The following UGT1A5 variants were observed in gnomAD, a reference collection of about 807,000 sequenced individuals.
The protein encoded by UGT1A5 is UDP glucuronosyltransferase family 1 member A5, also known as UDP-glucuronosyltransferase 1A5.
A neutral mutation model predicts 40.3 loss-of-function variants in UGT1A5; 29 were observed. That is an observed-to-expected ratio of 0.72 (90% CI 0.54 to 0.98). UGT1A5 has a LOEUF of 0.98. Among genes scored for constraint, UGT1A5 ranks in the 50% least tolerant of loss-of-function variants. The pLI, the probability that UGT1A5 is intolerant of heterozygous loss-of-function variation, is 0.00. For synonymous variants in UGT1A5, 257 were observed against 262.5 expected (o/e 0.98, Z 0.20); for missense variants, 678 against 677.9 (o/e 1.00, Z 0.00).
At chr2:233,719,438 A>G in intron 1 of UGT1A5, 1 of 1,613,920 alleles carries the variant, frequency 6.2e-7, no homozygotes, top group Non-Finnish European at 8.5e-7. Context: ...ACCACATGAC[A>G]TTCCTGCAAA....
intron 1 of UGT1A5, chr2:233,721,895 C>A: frequency 2.1e-6 from 1 of 474,970 alleles, no homozygotes; most frequent in Non-Finnish European, 4.2e-6. Context: ...ATTGCAATAT[C>A]GAAATGGTGC....
At chr2:233,718,225 A>G (rs1206675638) in intron 1 of UGT1A5, among the ~76,000 whole-genome samples, 1 of 152,212 alleles carries the variant, frequency 6.6e-6, no homozygotes, top group Admixed American at 6.5e-5. Context: ...GCCACTTCAG[A>G]GAGAGTCCTC....
intron 1 of UGT1A5, among the ~76,000 whole-genome samples, chr2:233,765,312 TTTA>T (rs1273770554): frequency 2.0e-5 from 3 of 152,204 alleles, no homozygotes; most frequent in African/African-American, 7.2e-5. Flanking sequence ...CACATATTTG[TTTA>T]TTGCAGCACT....
Position 233,769,827 on chromosome 2 carries a change from C to A in UGT1A5, c.1307+1388C>A, listed in dbSNP as rs926014830. ...CCGTGATCATGCCACTGCACTCCAGCAACCTGGGCAACAGAGTGAGACCCT... is the reference window on the plus strand; with the variant it reads ...CCGTGATCATGCCACTGCACTCCAGAAACCTGGGCAACAGAGTGAGACCCT... On this transcript the variant is annotated intron_variant, in intron 4 of 4. Transcript: ENST00000373414. This position sits in a 1 kb window ranked among gnomAD's most constrained non-coding sequence, Gnocchi z 4.4. 26 of 649,106 alleles carry A rather than the reference C, an allele frequency of 4.0e-5. No individual in the cohort carries two copies. The highest frequency in any genetic ancestry group is 5.2e-5 in the Non-Finnish European group (23 of 440,480). 40.2% of individuals were successfully genotyped at this position (649,106 alleles called of 1,614,324 possible). A position where few individuals can be genotyped will look rare whatever the true frequency, so the allele number is the denominator to read the frequency against.
chr2:233,754,448 T>G (rs1695488368), intron 1 of UGT1A5: 3 of 350,316 alleles, frequency 8.6e-6, no homozygotes, highest in Non-Finnish European at 1.7e-5. Flanking sequence ...TATAAATTCT[T>G]GGGTACAGCT....
In UGT1A5 at chr2:233,767,087, T is replaced by A; in HGVS notation, c.921T>A (p.Ser307=). 1 of 1,614,180 alleles carries A rather than the reference T, an allele frequency of 6.2e-7. No homozygotes were observed. The highest frequency in any genetic ancestry group is 8.5e-7 in the Non-Finnish European group (1 of 1,180,034). The change falls in exon 2 of 5, where the codon TCT becomes TCA. Residue 307 remains serine, a synonymous_variant. Coordinates refer to ENST00000373414, the MANE Select transcript of UGT1A5 (RefSeq NM_019078.2). ...GAGAACATGGAATTGTGGTTTTCTC[T>A]TTGGGATCAATGGTCTCAGAAATTC... is the stretch of plus-strand genomic sequence containing the variant. The part of the protein sequence containing the change: ...ASGEHGIVVF[S]LGSMVSEIPE...
chr2:233,738,642 C>A (rs182421853), intron 1 of UGT1A5, among the ~76,000 whole-genome samples: 1 of 152,330 alleles, frequency 6.6e-6, no homozygotes, highest in East Asian at 1.9e-4. Context: ...TGCCCTAGAG[C>A]TCTTTGGAAC....
In UGT1A5 at chr2:233,719,646, A is replaced by C. The variant is rs147342917; in HGVS notation, c.867+5788A>C. The stretch of plus-strand genomic sequence containing the variant: ...GCCGATCATGCCCAACATGGTCTTC[A>C]TTGGGGGCATCAACTGTGCCAACGG... On this transcript the variant is annotated intron_variant, in intron 1 of 4. Transcript: ENST00000373414. 2.8e-3 allele frequency: 4,509 copies of C among 1,613,986 alleles called. 13 individuals carry two copies. Among genetic ancestry groups the C allele is most frequent in the Non-Finnish European group, 3.7e-3 (4,328 of 1,179,976 alleles).
rs35350960 is a variant in UGT1A5, at chr2:233,760,973, C to T, written c.868-6061C>T. On this transcript the variant is annotated intron_variant, in intron 1 of 4. Coordinates refer to ENST00000373414, the MANE Select transcript of UGT1A5 (RefSeq NM_019078.2). The stretch of plus-strand genomic sequence containing the variant: ...TTTCTGTGCGACGTGGTTTATTCCC[C>T]GTATGCAACCCTTGCCTCAGAATTC... 4.6e-5 allele frequency: 74 copies of T among 1,614,056 alleles called. No homozygotes were observed. Among genetic ancestry groups the T allele is most frequent in the Non-Finnish European group, 5.4e-5 (64 of 1,180,038 alleles).
chr2:233,735,770 G>A (rs1420645187), intron 1 of UGT1A5, among the ~76,000 whole-genome samples: 1 of 152,120 alleles, frequency 6.6e-6, no homozygotes, highest in Non-Finnish European at 1.5e-5. Flanking sequence ...CACTTATGAA[G>A]CTTACTTTGG....
intron 1 of UGT1A5, chr2:233,729,441 T>C: frequency 3.1e-6 from 5 of 1,613,982 alleles, no homozygotes; most frequent in Non-Finnish European, 4.2e-6. Flanking sequence ...AAACAGAACA[T>C]TTTCTGAAGA....
chr2:233,734,914 A>G (rs7576166), intron 1 of UGT1A5, among the ~76,000 whole-genome samples: 69,332 of 152,022 alleles, frequency 0.46, 17,225 homozygotes, highest in African/African-American at 0.66. Context: ...TACATTTGCT[A>G]AGGAGTGCTT....
intron 1 of UGT1A5, among the ~76,000 whole-genome samples, chr2:233,714,507 T>A (rs1275407158): frequency 6.6e-6 from 1 of 152,186 alleles, no homozygotes; most frequent in African/African-American, 2.4e-5. Flanking sequence ...TTAAAAAAAA[T>A]TCTTACTAGG....
At chr2:233,730,565 C>T (rs28898621) in intron 1 of UGT1A5, among the ~76,000 whole-genome samples, 10,381 of 152,078 alleles carry the variant, frequency 0.068, 502 homozygotes, top group East Asian at 0.2. Context: ...GAATGACACA[C>T]GAAGTTCAGT....
At chr2:233,770,449 T>A (rs1700082466) in intron 4 of UGT1A5, 1 of 151,928 alleles carries the variant, frequency 6.6e-6, no homozygotes, top group Non-Finnish European at 1.5e-5. Flanking sequence ...AGGTTAGGAG[T>A]TCGAAACCAA....
intron 1 of UGT1A5, chr2:233,743,541 A>ACC (rs544018510): frequency 2.2e-6 from 3 of 1,366,832 alleles, no homozygotes; most frequent in South Asian, 1.1e-5. Flanking sequence ...AGTTCCTCTG[A>ACC]CCCCCCCAAA....
intron 1 of UGT1A5, among the ~76,000 whole-genome samples, chr2:233,737,806 C>A (rs575024235): frequency 6.6e-6 from 1 of 152,216 alleles, no homozygotes; most frequent in Non-Finnish European, 1.5e-5. Flanking sequence ...TCACTATCAT[C>A]TCAGTGGAGC....
chr2:233,765,502 A>G (rs1698851224), intron 1 of UGT1A5, among the ~76,000 whole-genome samples: 1 of 152,194 alleles, frequency 6.6e-6, no homozygotes, highest in Non-Finnish European at 1.5e-5. Flanking sequence ...AAACTAACAC[A>G]GGAACAGAAA....
intron 1 of UGT1A5, among the ~76,000 whole-genome samples, chr2:233,757,613 T>G (rs972874024): frequency 6.8e-6 from 1 of 146,622 alleles, no homozygotes; most frequent in Non-Finnish European, 1.5e-5. Context: ...TGCAAACTGC[T>G]AAAAGATACA....
Sources: allele counts gnomAD v4.1 joint callset (sites outside exome capture counted in the v4.1 genomes callset), GRCh38; gene constraint gnomAD v4.1.1; non-coding constraint Gnocchi (gnomAD v3.1); transcripts MANE v1.5; gene names NCBI Gene and HGNC (gene_info 2026-07-23, HGNC 2026-07-21).